The following ITPR2 variants were observed in gnomAD, a reference collection of about 807,000 sequenced individuals.
The protein encoded by ITPR2 is inositol 1,4,5-trisphosphate-gated calcium channel ITPR2.
In ITPR2, 207 loss-of-function variants were observed where a neutral mutation model predicts 317.1. The observed-to-expected ratio is 0.65, with a 90% CI of 0.58 to 0.73. The LOEUF (loss-of-function observed/expected upper bound fraction) is 0.73. Ranked by LOEUF, ITPR2 falls within the 30% of genes least tolerant of loss-of-function variation. The pLI, the probability that ITPR2 is intolerant of heterozygous loss-of-function variation, is 0.00. For synonymous variants in ITPR2, 1,156 were observed against 1,149.1 expected, an observed-to-expected ratio of 1.01 and a Z score of -0.12; for missense variants, 2,613 against 3,284.0, an observed-to-expected ratio of 0.80 and a Z score of 4.99.
rs769396806 is a variant in ITPR2, at chr12:26,656,358, C to T, written c.2383G>A (p.Val795Met). ...MHVDRDPQES[V>M]VPVRYARLWT... is the part of the protein sequence containing the mutation. ...AGCCTGGCATAGCGAACAGGCACCA[C>T]GGACTCCTGGGGATCCCGGTCAACG... Residue 795 changes from valine to methionine, a missense_variant, in exon 19 of 57, where the codon GTG (valine) becomes ATG (methionine). Physicochemically the swap from Val to Met is conservative, Grantham distance 21. Transcript: ENST00000381340. 35 of 1,614,080 alleles carry T rather than the reference C, an allele frequency of 2.2e-5. No homozygotes were observed. The highest frequency in any genetic ancestry group is 4.0e-5 in the African/African-American group (3 of 74,928).
Position 26,475,334 on chromosome 12 carries a change from T to C in ITPR2, c.6304A>G (p.Lys2102Glu). 1 of 1,614,002 alleles carries C rather than the reference T, an allele frequency of 6.2e-7. No individual in the cohort carries two copies. The highest frequency in any genetic ancestry group is 8.5e-7 in the Non-Finnish European group (1 of 1,179,896). The change falls in exon 45 of 57, where the codon AAA becomes GAA. Residue 2102 changes from lysine to glutamate, a missense_variant. By Grantham distance (56) the Lys-to-Glu change is moderately conservative. Coordinates refer to ENST00000381340, the MANE Select transcript of ITPR2 (RefSeq NM_002223.4). ...ATATAGATATTGTGTCCAACATCTT[T>C]TGGAGAAACACCATCATCTCCACCC... ...DEGGDDGVSP[K>E]DVGHNIYILA...
At chr12:26,387,305 C>A (rs995095296) in intron 55 of ITPR2, 129 bp downstream of exon 55, 12 of 834,486 alleles carry the variant, frequency 1.4e-5, no homozygotes, top group Admixed American at 2.5e-5. Flanking sequence ...CAGTGATTGA[C>A]AGGCCTATTT....
At chr12:26,431,839 C>T (rs1941217969) in intron 48 of ITPR2, among the ~76,000 whole-genome samples, 1 of 152,164 alleles carries the variant, frequency 6.6e-6, no homozygotes, top group Admixed American at 6.5e-5. Context: ...GCATACACGG[C>T]TCATTCCCTC....
intron 13 of ITPR2, among the ~76,000 whole-genome samples, chr12:26,670,889 C>G (rs1278744710): frequency 6.6e-6 from 1 of 152,146 alleles, no homozygotes; most frequent in South Asian, 2.1e-4. Context: ...GGCTCGAGAA[C>G]TACCTGAAGA....
intron 55 of ITPR2, among the ~76,000 whole-genome samples, chr12:26,351,015 C>G (rs2136559175): frequency 6.6e-6 from 1 of 152,266 alleles, no homozygotes. Context: ...GGCTCAGATC[C>G]AGTGGCAGCT....
chr12:26,577,612 T>C (rs1472148001), intron 34 of ITPR2, among the ~76,000 whole-genome samples: 1 of 152,208 alleles, frequency 6.6e-6, no homozygotes, highest in African/African-American at 2.4e-5. Flanking sequence ...TTATAATTAA[T>C]TACTTAAGTC....
At chr12:26,623,470 T>C (rs778939517) in intron 24 of ITPR2, 5 of 152,210 alleles carry the variant, frequency 3.3e-5, no homozygotes, top group Admixed American at 1.3e-4. Flanking sequence ...ATTGTTATAA[T>C]TGTTTTATTA....
At chr12:26,565,484 TGATAGATAGATAGATAGATAGATAGATA>T (rs75320702) in intron 34 of ITPR2, among the ~76,000 whole-genome samples, 18 of 138,744 alleles carry the variant, frequency 1.3e-4, no homozygotes, top group Non-Finnish European at 2.7e-4. Context: ...GATAGACAGA[TGATAGATAGATAGATAGATAGATAGATA>T]GATAGATAGA....
intron 52 of ITPR2, among the ~76,000 whole-genome samples, chr12:26,404,860 G>A (rs1940296782): frequency 6.6e-6 from 1 of 152,172 alleles, no homozygotes; most frequent in African/African-American, 2.4e-5. Flanking sequence ...AGGGCCAGGT[G>A]CGGTGGCTTA....
chr12:26,546,263 C>CTACTCTGCTATCAAACAT (rs1944388919), intron 37 of ITPR2, among the ~76,000 whole-genome samples: 1 of 152,038 alleles, frequency 6.6e-6, no homozygotes, highest in Non-Finnish European at 1.5e-5. Context: ...TATAGTCACC[C>CTACTCTGCTATCAAACAT]TACTCTGCTA....
Position 26,631,958 on chromosome 12 carries a change from G to A in ITPR2, c.2842C>T (p.Pro948Ser). Residue 948 changes from proline to serine, a missense_variant, in exon 22 of 57, where the codon CCC becomes TCC. By Grantham distance (74) the Pro-to-Ser change is moderately conservative. This residue lies in a region of ITPR2 where 817 missense variants were observed against 897.6 expected (regional missense o/e 0.91). Transcript: ENST00000381340. ...CCTTGCTTGCTCGGGTGGATGCTGG[G>A]TGGCACATCCGGCACGCTCATGGGG... ...IFPMSVPDVPPSIHPSKQGSP... is the reference protein window; with the variant it reads ...IFPMSVPDVPSSIHPSKQGSP... 6.2e-7 allele frequency: 1 copy of A among 1,613,798 alleles called. No individual in the cohort carries two copies. Among genetic ancestry groups the A allele is most frequent in the Non-Finnish European group, 8.5e-7 (1 of 1,179,856 alleles).
intron 26 of ITPR2, among the ~76,000 whole-genome samples, chr12:26,603,315 T>C (rs913108118): frequency 3.3e-5 from 5 of 152,210 alleles, no homozygotes; most frequent in African/African-American, 1.2e-4. Flanking sequence ...TAATAAAGCT[T>C]ATTAAGAAAA....
intron 21 of ITPR2, among the ~76,000 whole-genome samples, chr12:26,633,396 A>G (rs942139787): frequency 1.3e-5 from 2 of 152,252 alleles, no homozygotes; most frequent in African/African-American, 2.4e-5. Context: ...GTGCTTCAGT[A>G]ATACATCTTA....
chr12:26,486,512 G>A, intron 40 of ITPR2, 152 bp from the exon 41 acceptor site: 1 of 706,172 alleles, frequency 1.4e-6, no homozygotes, highest in Non-Finnish European at 2.3e-6. Flanking sequence ...ATTTGAGAGA[G>A]CACTTAAAAA....
intron 34 of ITPR2, among the ~76,000 whole-genome samples, chr12:26,577,992 T>C (rs1439386320): frequency 1.3e-5 from 2 of 152,166 alleles, no homozygotes; most frequent in Non-Finnish European, 2.9e-5. Flanking sequence ...CAACAAATGT[T>C]AACAGTGATG....
chr12:26,388,344 G>C (rs1366660924), intron 54 of ITPR2, among the ~76,000 whole-genome samples: 1 of 152,176 alleles, frequency 6.6e-6, no homozygotes, highest in Non-Finnish European at 1.5e-5. Flanking sequence ...GGGATGTTGG[G>C]ATTCAGTTAG....
intron 13 of ITPR2, among the ~76,000 whole-genome samples, chr12:26,668,545 G>A (rs912380737): frequency 8.5e-5 from 13 of 152,140 alleles, no homozygotes; most frequent in Admixed American, 2.6e-4. Flanking sequence ...TGTAGAGAAA[G>A]GAAAAACAAA....
At chr12:26,458,844 C>T (rs2136777765) in intron 45 of ITPR2, among the ~76,000 whole-genome samples, 1 of 152,140 alleles carries the variant, frequency 6.6e-6, no homozygotes, top group East Asian at 1.9e-4. Context: ...GGCTGATGTG[C>T]CTCTCCTTCT....
Position 26,631,929 on chromosome 12 carries a change from G to T in ITPR2, c.2871C>A (p.Ser957Arg), listed in dbSNP as rs779927729. 3.1e-6 allele frequency: 5 copies of T among 1,613,718 alleles called. No homozygotes were observed. The East Asian group carries it at 1.1e-4, about 36-fold the overall frequency. The change falls in exon 22 of 57, where the codon AGC (serine) becomes AGA (arginine). Residue 957 changes from serine (S) to arginine (R), a missense_variant. Physicochemically the swap from Ser to Arg is moderately radical, Grantham distance 110. Transcript: ENST00000381340. ...CAGTCACATCCTCGTGCTCGGTGGG[G>T]CTCCCTTGCTTGCTCGGGTGGATGC... ...PPSIHPSKQG[S>R]PTEHEDVTVM...
Sources: allele counts gnomAD v4.1 joint callset (sites outside exome capture counted in the v4.1 genomes callset), GRCh38; gene constraint gnomAD v4.1.1; regional missense constraint gnomAD v4.1.1; transcripts MANE v1.5; gene names NCBI Gene and HGNC (gene_info 2026-07-23, HGNC 2026-07-21).